The following ECE1 variants were observed in gnomAD, a reference collection of about 807,000 sequenced individuals.
ECE1 encodes the protein endothelin converting enzyme 1, also known as endothelin-converting enzyme 1.
A neutral mutation model predicts 98.6 loss-of-function variants in ECE1; 35 were observed. The observed-to-expected ratio is 0.35, with a 90% CI of 0.27 to 0.47. ECE1 has a LOEUF of 0.47. Among genes scored for constraint, ECE1 ranks in the 20% least tolerant of loss-of-function variants. ECE1 has a pLI of 1.00. For missense variants in ECE1, 814 were observed against 1,025.3 expected (o/e 0.79, Z 2.81); for synonymous variants, 394 against 407.1 (o/e 0.97, Z 0.39).
At chr1:21,309,444 T>G (rs560267670) in intron 1 of ECE1, among the ~76,000 whole-genome samples, 1 of 152,186 alleles carries the variant, frequency 6.6e-6, no homozygotes, top group African/African-American at 2.4e-5. Flanking sequence ...CAGAAAGTGT[T>G]TGGAGTAGTG....
chr1:21,233,794 G>T lies in ECE1; in HGVS notation c.1567-133C>A. 1.3e-6 allele frequency: 1 copy of T among 791,468 alleles called. No homozygotes were observed. The highest frequency in any genetic ancestry group is 2.1e-6 in the Non-Finnish European group (1 of 474,734). The allele number at this position is 791,468 out of a possible 1,614,324, so 49.0% of individuals were successfully genotyped here. On this transcript the variant is annotated intron_variant, in intron 13 of 18. Coordinates refer to ENST00000374893, the MANE Select transcript of ECE1 (RefSeq NM_001397.3). This position sits in a 1 kb window ranked among gnomAD's most constrained non-coding sequence, Gnocchi z 4.0. ...AGACCGGAATGCAGGGCTTGGGGCT[G>T]CAGGGTCAGCTCTTCTCTTGGCCTT...
chr1:21,278,662 C>CG (rs2098250475), intron 3 of ECE1, among the ~76,000 whole-genome samples: 1 of 152,118 alleles, frequency 6.6e-6, no homozygotes, highest in African/African-American at 2.4e-5. Context: ...GCATCTGAAG[C>CG]GAGGGGTGTG....
chr1:21,339,823 C>A (rs3026813), intron 1 of ECE1, among the ~76,000 whole-genome samples: 11,613 of 152,138 alleles, frequency 0.076, 704 homozygotes, highest in East Asian at 0.33. Flanking sequence ...GAGGAGGGAG[C>A]CATTCCTAGG....
intron 12 of ECE1, among the ~76,000 whole-genome samples, chr1:21,236,217 C>T (rs1285131479): frequency 6.6e-6 from 1 of 152,288 alleles, no homozygotes; most frequent in Non-Finnish European, 1.5e-5. Flanking sequence ...TTTTCCTGCA[C>T]CTTTTCCCCG....
chr1:21,240,529 T>C (rs2098194722), intron 10 of ECE1, among the ~76,000 whole-genome samples: 1 of 152,312 alleles, frequency 6.6e-6, no homozygotes, highest in South Asian at 2.1e-4. Flanking sequence ...GAATACTTAA[T>C]GTACACTGCA....
At chr1:21,300,655 CAA>C (rs1471837825) in intron 1 of ECE1, among the ~76,000 whole-genome samples, 3 of 152,162 alleles carry the variant, frequency 2.0e-5, no homozygotes, top group Admixed American at 2.0e-4. Flanking sequence ...AGGCTGGTCT[CAA>C]ACTCCTGACC....
intron 1 of ECE1, among the ~76,000 whole-genome samples, chr1:21,334,347 C>T (rs1639266066): frequency 6.6e-6 from 1 of 152,222 alleles, no homozygotes; most frequent in Non-Finnish European, 1.5e-5. Context: ...GCCGAGTAAC[C>T]ACCCACTGAA....
chr1:21,310,409 T>A (rs1351738409), intron 1 of ECE1, among the ~76,000 whole-genome samples: 2 of 152,202 alleles, frequency 1.3e-5, no homozygotes, highest in Non-Finnish European at 2.9e-5. Flanking sequence ...TGGCCAGGCC[T>A]GTTTCCTGTG....
In ECE1 at chr1:21,289,940, G is replaced by C. The variant is rs1716050; in HGVS notation, c.138+130C>G. The C allele has an allele frequency of 0.018, 21,467 of 1,181,810 alleles. 3,003 individuals carry two copies. The African/African-American group carries it at 0.3, about 17-fold the overall frequency. The allele number at this position is 1,181,810 out of a possible 1,614,324, so 73.2% of individuals were successfully genotyped here. ...GCTGCGGGGAGGCGCGGCCCCTCCC[G>C]GATGCCGGGACGAGGGAGGGGAAGG... is the stretch of plus-strand genomic sequence containing the variant. On this transcript the variant is annotated intron_variant, in intron 2 of 18. Transcript: ENST00000374893.
chr1:21,318,804 G>C (rs1011180670), intron 1 of ECE1, among the ~76,000 whole-genome samples: 18 of 152,162 alleles, frequency 1.2e-4, no homozygotes, highest in African/African-American at 4.1e-4. Flanking sequence ...AAAGCGGACG[G>C]GGGAGGGGAT....
At chr1:21,250,724 G>A (rs2098211604) in intron 8 of ECE1, among the ~76,000 whole-genome samples, 1 of 152,278 alleles carries the variant, frequency 6.6e-6, no homozygotes, top group South Asian at 2.1e-4. Context: ...AACAGATGCT[G>A]AGGCCGGGCG....
intron 1 of ECE1, among the ~76,000 whole-genome samples, chr1:21,315,886 G>A (rs1184743350): frequency 2.0e-5 from 3 of 151,856 alleles, no homozygotes; most frequent in East Asian, 1.9e-4. Context: ...CACAGGCAGC[G>A]TCAGGAAAGA....
chr1:21,220,079 T>A lies in ECE1; in HGVS notation c.2189A>T (p.Asp730Val). ...CCGGAAGCGAGAGGGGCTGTGGGGA[T>A]CGGTGATGAGGCCTTCGTGGGAGCT... ...PESSHEGLIT[D>V]PHSPSRFRVI... Residue 730 changes from aspartate (D) to valine (V), a missense_variant, in exon 19 of 19, where the codon GAT becomes GTT. By Grantham distance (152) the Asp-to-Val change is radical. Transcript: ENST00000374893. This position sits in a 1 kb window ranked among gnomAD's most constrained non-coding sequence, Gnocchi z 5.0. The A allele has an allele frequency of 6.2e-7, 1 of 1,614,076 alleles. No individual in the cohort carries two copies. Among genetic ancestry groups the A allele is most frequent in the South Asian group, 1.1e-5 (1 of 91,078 alleles).
In ECE1 at chr1:21,290,388, C is replaced by A; in HGVS notation, c.27G>T (p.Val9=). Residue 9 remains valine (V), a synonymous_variant, in exon 1 of 19, where the codon GTG becomes GTT. Coordinates refer to ENST00000374893, the MANE Select transcript of ECE1 (RefSeq NM_001397.3). The surrounding 1 kb of genome is among the most constrained non-coding windows in gnomAD (Gnocchi z 7.3). ...CCCCCAGCGCCGACAGCAGGGCGGACACCGGGGGCGGCCACACGCCCCGCA... is the reference window on the plus strand; with the variant it reads ...CCCCCAGCGCCGACAGCAGGGCGGAAACCGGGGGCGGCCACACGCCCCGCA... MRGVWPPP[V]SALLSALGMS... is the part of the protein sequence containing the mutation. The A allele has an allele frequency of 8.1e-7, 1 of 1,237,100 alleles. No individual in the cohort carries two copies. The highest frequency in any genetic ancestry group is 1.0e-6 in the Non-Finnish European group (1 of 992,502). 76.6% of individuals were successfully genotyped at this position (1,237,100 alleles called of 1,614,324 possible). A position where few individuals can be genotyped will look rare whatever the true frequency, so the allele number is the denominator to read the frequency against.
At chr1:21,222,989 T>G (rs1230122335) in intron 17 of ECE1, among the ~76,000 whole-genome samples, 1 of 152,100 alleles carries the variant, frequency 6.6e-6, no homozygotes, top group Non-Finnish European at 1.5e-5. Flanking sequence ...GTTTTTGTTT[T>G]TTTTGGAGAC....
Position 21,307,520 on chromosome 1 carries a change from A to G in ECE1, c.4-17364T>C, listed in dbSNP as rs1222260326. On this transcript the variant is annotated intron_variant, in intron 1 of 18. Transcript: ENST00000415912. The surrounding 1 kb of genome is among the most constrained non-coding windows in gnomAD (Gnocchi z 4.2). Reference sequence around the variant, plus strand: ...CATATTAAGTATTTCATAAAAAGCAAGTTTTAAACATGATCACTACAGTCA... The same window carrying G: ...CATATTAAGTATTTCATAAAAAGCAGGTTTTAAACATGATCACTACAGTCA... Among the ~76,000 whole-genome samples the G allele has an allele frequency of 6.6e-6, 1 of 152,154 alleles. No individual in the cohort carries two copies. Among genetic ancestry groups the G allele is most frequent in the Non-Finnish European group, 1.5e-5 (1 of 68,036 alleles).
intron 1 of ECE1, among the ~76,000 whole-genome samples, chr1:21,310,019 T>C (rs1262166123): frequency 2.0e-5 from 3 of 152,118 alleles, no homozygotes; most frequent in Non-Finnish European, 4.4e-5. Context: ...CTCGATCTCC[T>C]GACCTCGTGT....
At chr1:21,242,816 G>T (rs1301878054) in intron 10 of ECE1, among the ~76,000 whole-genome samples, 1 of 152,202 alleles carries the variant, frequency 6.6e-6, no homozygotes, top group Non-Finnish European at 1.5e-5. Context: ...TTGCTCTGTT[G>T]CTCAGGCTGG....
chr1:21,235,808 G>T lies in ECE1; in HGVS notation c.1566+42C>A, dbSNP rs2098187219. On this transcript the variant is annotated intron_variant, in intron 13 of 18. Coordinates refer to ENST00000374893, the MANE Select transcript of ECE1 (RefSeq NM_001397.3). The surrounding 1 kb of genome is among the most constrained non-coding windows in gnomAD (Gnocchi z 4.2). ...GCCCTGCCTCGGCCCTTTTCTAAGG[G>T]GGCATTTAGGAACGCAAGGGGGCAG... 6.2e-7 allele frequency: 1 copy of T among 1,601,334 alleles called. No individual in the cohort carries two copies. The highest frequency in any genetic ancestry group is 1.3e-5 in the African/African-American group (1 of 74,792).
Sources: allele counts gnomAD v4.1 joint callset (sites outside exome capture counted in the v4.1 genomes callset), GRCh38; gene constraint gnomAD v4.1.1; non-coding constraint Gnocchi (gnomAD v3.1); transcripts MANE v1.5; gene names NCBI Gene and HGNC (gene_info 2026-07-23, HGNC 2026-07-21).